The following IRF2 variants were observed in gnomAD, a reference collection of about 807,000 sequenced individuals.
IRF2 encodes interferon regulatory factor 2.
A neutral mutation model predicts 40.6 loss-of-function variants in IRF2; 15 were observed. The observed-to-expected ratio is 0.37, with a 90% CI of 0.25 to 0.57. IRF2 has a LOEUF of 0.57. IRF2 is among the 20% of genes least tolerant of loss of function. The pLI is 0.77. For synonymous variants in IRF2, 151 were observed against 165.5 expected (o/e 0.91, Z 0.67); for missense variants, 317 against 455.7 (o/e 0.70, Z 2.77).
chr4:184,403,779 T>A (rs1464622860), intron 6 of IRF2, among the ~76,000 whole-genome samples: 1 of 152,194 alleles, frequency 6.6e-6, no homozygotes, highest in Non-Finnish European at 1.5e-5. Flanking sequence ...GTCTCCAGGC[T>A]CAGAACTAAT....
At chr4:184,439,380 CACTCTAATA>C (rs2149908417) in intron 1 of IRF2, among the ~76,000 whole-genome samples, 1 of 149,582 alleles carries the variant, frequency 6.7e-6, no homozygotes, top group African/African-American at 2.5e-5. Context: ...TCCCTGGCCC[CACTCTAATA>C]AGAACCGGGA....
chr4:184,396,664 G>A (rs1262180068), intron 7 of IRF2, among the ~76,000 whole-genome samples: 15 of 151,874 alleles, frequency 9.9e-5, no homozygotes, highest in South Asian at 2.1e-4. Flanking sequence ...TCCAATTTCC[G>A]GGCTCAAGTG....
chr4:184,407,128 C>CT lies in IRF2; in HGVS notation c.529+1029dup, dbSNP rs1356351268. 1.8e-4 allele frequency: 220 copies of CT among 1,238,680 alleles called. No individual in the cohort carries two copies. The Middle Eastern group carries it at 2.7e-3, about 15-fold the overall frequency. The allele number at this position is 1,238,680 out of a possible 1,614,324, so 76.7% of individuals were successfully genotyped here. A position where few individuals can be genotyped will look rare whatever the true frequency, so the allele number is the denominator to read the frequency against. On this transcript the variant is annotated intron_variant, in intron 6 of 8. Coordinates refer to ENST00000393593, the MANE Select transcript of IRF2 (RefSeq NM_002199.4). ...CAGACAGAATGTCCGCACCTGCAAA[C>CT]TTTTTACACTGCCCGGGAGATGGTT...
chr4:184,394,727 T>C (rs1736384940), intron 7 of IRF2, among the ~76,000 whole-genome samples: 1 of 152,060 alleles, frequency 6.6e-6, no homozygotes, highest in Non-Finnish European at 1.5e-5. Flanking sequence ...CCCCACCCCA[T>C]TATTCTACTG....
chr4:184,403,214 A>G (rs974402540), intron 6 of IRF2, among the ~76,000 whole-genome samples: 7 of 152,156 alleles, frequency 4.6e-5, no homozygotes, highest in African/African-American at 1.7e-4. Context: ...GGAAATCCCA[A>G]TATCGAAATG....
chr4:184,421,183 G>A (rs1260649240), intron 2 of IRF2, among the ~76,000 whole-genome samples: 1 of 152,176 alleles, frequency 6.6e-6, no homozygotes, highest in Non-Finnish European at 1.5e-5. Context: ...TGTCCCCAAA[G>A]AGATTCAGCG....
chr4:184,408,115 G>T lies in IRF2; in HGVS notation c.529+43C>A. ...GTTTTACAAATTTTAGGCCCCAGGG[G>T]GCTGCTGGTATGTATAAAAAATGAG... On this transcript the variant is annotated intron_variant, in intron 6 of 8. Transcript: ENST00000393593. This position sits in a 1 kb window ranked among gnomAD's most constrained non-coding sequence, Gnocchi z 4.9. 2 of 1,177,082 alleles carry T rather than the reference G, an allele frequency of 1.7e-6. No individual in the cohort carries two copies. The highest frequency in any genetic ancestry group is 2.5e-5 in the South Asian group (2 of 79,768). The allele number at this position is 1,177,082 out of a possible 1,614,324, so 72.9% of individuals were successfully genotyped here. A position where few individuals can be genotyped will look rare whatever the true frequency, so the allele number is the denominator to read the frequency against.
chr4:184,410,724 A>C (rs1737039734), intron 5 of IRF2, among the ~76,000 whole-genome samples: 3 of 152,200 alleles, frequency 2.0e-5, no homozygotes, highest in South Asian at 2.1e-4. Flanking sequence ...GTTTCTTATA[A>C]AAGTAATGAG....
intron 1 of IRF2, among the ~76,000 whole-genome samples, chr4:184,444,616 A>G (rs1738436191): frequency 6.6e-6 from 1 of 152,224 alleles, no homozygotes; most frequent in Admixed American, 6.5e-5. Flanking sequence ...CCCAAATACC[A>G]GACAGTGGGA....
intron 1 of IRF2, among the ~76,000 whole-genome samples, chr4:184,429,720 A>G (rs2149904316): frequency 6.6e-6 from 1 of 152,180 alleles, no homozygotes; most frequent in East Asian, 1.9e-4. Flanking sequence ...TCTTTCTTCA[A>G]TGCCAGCCTC....
intron 5 of IRF2, among the ~76,000 whole-genome samples, chr4:184,412,472 T>C (rs1487290163): frequency 1.3e-5 from 2 of 152,122 alleles, no homozygotes; most frequent in African/African-American, 2.4e-5. Context: ...CCTTCCAAAA[T>C]GCTCTAACTC....
At position 184,404,016 on chromosome 4, in the gene IRF2, T is replaced by G. The variant is rs146547736; in HGVS notation, c.529+4142A>C. On this transcript the variant is annotated intron_variant, in intron 6 of 8. Coordinates refer to ENST00000393593, the MANE Select transcript of IRF2 (RefSeq NM_002199.4). ...GCTTCTTTAAAAGGTCATTCTCACT[T>G]TATTAGCAATTGTTGACTTAATGTA... Among the ~76,000 whole-genome samples, 58 of 152,338 alleles carry G rather than the reference T, an allele frequency of 3.8e-4. No individual in the cohort carries two copies. The East Asian group carries it at 0.011, about 29-fold the overall frequency.
intron 1 of IRF2, among the ~76,000 whole-genome samples, chr4:184,463,341 C>A (rs1357906528): frequency 2.0e-5 from 3 of 152,206 alleles, no homozygotes; most frequent in African/African-American, 7.2e-5. Context: ...GCTGCACCAA[C>A]CAAGATGGTA....
chr4:184,457,990 C>T (rs575550930), intron 1 of IRF2, among the ~76,000 whole-genome samples: 3 of 152,302 alleles, frequency 2.0e-5, no homozygotes, highest in East Asian at 1.9e-4. Flanking sequence ...TTTGTTCCAG[C>T]CACCCTGGAG....
intron 1 of IRF2, among the ~76,000 whole-genome samples, chr4:184,473,049 C>T (rs974466994): frequency 2.6e-5 from 4 of 152,142 alleles, no homozygotes; most frequent in African/African-American, 9.7e-5. Context: ...ACGCCGGCCC[C>T]CAGGCCGTGC....
intron 6 of IRF2, among the ~76,000 whole-genome samples, chr4:184,407,785 C>T (rs888705645): frequency 1.3e-5 from 2 of 152,212 alleles, no homozygotes. Context: ...TGCCAGGAAG[C>T]AGTTGCTGAG....
chr4:184,431,642 G>A (rs1737882681), intron 1 of IRF2, among the ~76,000 whole-genome samples: 1 of 152,182 alleles, frequency 6.6e-6, no homozygotes, highest in Non-Finnish European at 1.5e-5. Context: ...AGTAGTTACA[G>A]GATAGGGGTA....
At position 184,408,134 on chromosome 4, in the gene IRF2, A is replaced by G. The variant is rs1180307945; in HGVS notation, c.529+24T>C. 1 of 1,441,074 alleles carries G rather than the reference A, an allele frequency of 6.9e-7. No homozygotes were observed. The highest frequency in any genetic ancestry group is 1.7e-5 in the Admixed American group (1 of 58,522). 89.3% of individuals were successfully genotyped at this position (1,441,074 alleles called of 1,614,324 possible). On this transcript the variant is annotated intron_variant, in intron 6 of 8. Transcript: ENST00000393593. The surrounding 1 kb of genome is among the most constrained non-coding windows in gnomAD (Gnocchi z 4.9). ...CCAGGGGGCTGCTGGTATGTATAAA[A>G]AATGAGACGTCAAAACAGTTTACCT...
chr4:184,470,917 C>T (rs1390421177), intron 1 of IRF2, among the ~76,000 whole-genome samples: 1 of 152,164 alleles, frequency 6.6e-6, no homozygotes, highest in Non-Finnish European at 1.5e-5. Context: ...ATGGATACCA[C>T]CTAACTTTCC....
Sources: gnomAD v4.1 joint callset for allele counts (sites outside exome capture counted in the v4.1 genomes callset) on GRCh38, gnomAD v4.1.1 for gene constraint, Gnocchi (gnomAD v3.1) non-coding constraint, MANE v1.5 for transcripts, NCBI Gene and HGNC (gene_info 2026-07-23, HGNC 2026-07-21) for gene names.